ADGRB3: variants seen among roughly 807,000 people sequenced by gnomAD.
The protein encoded by ADGRB3 is adhesion G protein-coupled receptor B3, also known as brain-specific angiogenesis inhibitor 3.
Under a neutral mutation model 193.4 loss-of-function variants are expected in ADGRB3, and 37 were observed. The ratio of observed to expected loss-of-function variants is 0.19; its 90% CI spans 0.15 to 0.25. ADGRB3 has a LOEUF of 0.25. Ranked by LOEUF, ADGRB3 falls within the 10% of genes least tolerant of loss-of-function variation. ADGRB3 has a pLI of 1.00. For synonymous variants in ADGRB3, 690 were observed against 644.2 expected (o/e 1.07, Z -1.08); for missense variants, 1,637 against 1,852.9 (o/e 0.88, Z 2.14).
chr6:68,877,401 C>G (rs1321820510), intron 3 of ADGRB3, among the ~76,000 whole-genome samples: 1 of 151,800 alleles, frequency 6.6e-6, no homozygotes, highest in Non-Finnish European at 1.5e-5. Flanking sequence ...TATTTAGACT[C>G]AGAACAATCG....
intron 8 of ADGRB3, among the ~76,000 whole-genome samples, chr6:68,957,926 C>G (rs1768123158): frequency 6.6e-6 from 1 of 152,084 alleles, no homozygotes. Flanking sequence ...TAGGGCCAGG[C>G]ATGTTGGCTC....
chr6:68,904,031 A>G (rs1380619345), intron 3 of ADGRB3, among the ~76,000 whole-genome samples: 1 of 116,922 alleles, frequency 8.6e-6, no homozygotes, highest in Non-Finnish European at 1.8e-5. Context: ...GAGAGTAAAC[A>G]AGGAAGGGAG....
intron 17 of ADGRB3, among the ~76,000 whole-genome samples, chr6:69,226,201 T>C (rs1766011603): frequency 6.6e-6 from 1 of 152,194 alleles, no homozygotes; most frequent in African/African-American, 2.4e-5. Context: ...TAATTTCCAG[T>C]GAAGCTCTCG....
intron 28 of ADGRB3, 34 bp from the exon 29 acceptor site, chr6:69,360,835 C>T: frequency 6.5e-7 from 1 of 1,530,812 alleles, no homozygotes; most frequent in Non-Finnish European, 8.8e-7. Flanking sequence ...CACACATTAA[C>T]TCTCTTTCTT....
intron 13 of ADGRB3, among the ~76,000 whole-genome samples, chr6:69,031,584 C>CTA (rs1770708794): frequency 1.7e-4 from 1 of 6,004 alleles, no homozygotes; most frequent in Non-Finnish European, 5.1e-4. Context: ...CTGTCTCTGT[C>CTA]TCTCTTTCTT....
At chr6:68,823,637 A>G (rs1767787525) in intron 3 of ADGRB3, among the ~76,000 whole-genome samples, 1 of 152,092 alleles carries the variant, frequency 6.6e-6, no homozygotes, top group South Asian at 2.1e-4. Flanking sequence ...TAATCAAGTC[A>G]GTGACTAACA....
intron 13 of ADGRB3, among the ~76,000 whole-genome samples, chr6:69,043,290 G>GAA (rs1554252052): frequency 3.9e-4 from 34 of 88,080 alleles, no homozygotes; most frequent in Middle Eastern, 6.8e-3. Flanking sequence ...GGAAGAAAGA[G>GAA]AGAAAGAAAG....
chr6:68,999,611 A>G (rs530839288), intron 11 of ADGRB3, among the ~76,000 whole-genome samples: 3 of 152,286 alleles, frequency 2.0e-5, no homozygotes, highest in African/African-American at 7.2e-5. Flanking sequence ...GATCCAGCTT[A>G]AAGATATCTT....
intron 3 of ADGRB3, among the ~76,000 whole-genome samples, chr6:68,727,557 G>C (rs1765696039): frequency 6.6e-6 from 1 of 151,378 alleles, no homozygotes; most frequent in South Asian, 2.1e-4. Context: ...AGAAATCCAT[G>C]CTGGTACATT....
chr6:68,992,983 G>A (rs1045004893), intron 10 of ADGRB3, among the ~76,000 whole-genome samples: 5 of 152,142 alleles, frequency 3.3e-5, no homozygotes, highest in East Asian at 3.9e-4. Flanking sequence ...ACAAGTAAAA[G>A]TATAATGGAT....
intron 3 of ADGRB3, among the ~76,000 whole-genome samples, chr6:68,713,105 C>A (rs1765432545): frequency 6.6e-6 from 1 of 151,702 alleles, no homozygotes; most frequent in Non-Finnish European, 1.5e-5. Context: ...TCAGCCTTTT[C>A]TTTCAGATAA....
At chr6:69,190,121 G>A (rs569556014) in intron 17 of ADGRB3, among the ~76,000 whole-genome samples, 1 of 152,020 alleles carries the variant, frequency 6.6e-6, no homozygotes, top group Non-Finnish European at 1.5e-5. Flanking sequence ...TTACTATATT[G>A]TACTGTTTAT....
chr6:68,854,433 A>T (rs988443000), intron 3 of ADGRB3, among the ~76,000 whole-genome samples: 8 of 152,314 alleles, frequency 5.3e-5, no homozygotes, highest in Non-Finnish European at 1.0e-4. Context: ...GTACTTGTTA[A>T]TTAGCTAGAT....
At chr6:69,246,394 T>C (rs1157254758) in intron 20 of ADGRB3, among the ~76,000 whole-genome samples, 1 of 152,176 alleles carries the variant, frequency 6.6e-6, no homozygotes, top group African/African-American at 2.4e-5. Flanking sequence ...TTGGTTCCGT[T>C]TTGAAGTATC....
intron 17 of ADGRB3, among the ~76,000 whole-genome samples, chr6:69,116,999 T>G (rs12526613): frequency 0.061 from 9,227 of 152,298 alleles, 349 homozygotes; most frequent in South Asian, 0.11. Context: ...GTTAAAGCCC[T>G]GAAGATACTT....
At chr6:69,255,368 T>C (rs1023979379) in intron 20 of ADGRB3, among the ~76,000 whole-genome samples, 126 of 152,292 alleles carry the variant, frequency 8.3e-4, no homozygotes, top group Admixed American at 2.5e-3. Flanking sequence ...CTCCAGCACC[T>C]GTTGTTTCCT....
chr6:68,679,766 G>T (rs1299288315), intron 3 of ADGRB3, among the ~76,000 whole-genome samples: 3 of 152,014 alleles, frequency 2.0e-5, no homozygotes, highest in African/African-American at 7.3e-5. Flanking sequence ...ACACTTTAGT[G>T]ATATGTTCAA....
At chr6:69,094,729 T>C (rs758487733) in intron 17 of ADGRB3, among the ~76,000 whole-genome samples, 19 of 152,180 alleles carry the variant, frequency 1.2e-4, no homozygotes, top group Non-Finnish European at 2.2e-4. Flanking sequence ...ACAATTTATA[T>C]AAAATAAAAA....
chr6:69,335,730 CT>C (rs1462921690), intron 24 of ADGRB3, among the ~76,000 whole-genome samples: 1 of 152,038 alleles, frequency 6.6e-6, no homozygotes, highest in Non-Finnish European at 1.5e-5. Flanking sequence ...AATTGGTCGA[CT>C]TGACAACCAA....
Sources: gnomAD v4.1 joint callset for allele counts (sites outside exome capture counted in the v4.1 genomes callset) on GRCh38, gnomAD v4.1.1 for gene constraint, MANE v1.5 for transcripts, NCBI Gene and HGNC (gene_info 2026-07-23, HGNC 2026-07-21) for gene names.